SGCD: variants seen among roughly 807,000 people sequenced by gnomAD.
The protein encoded by SGCD is delta-sarcoglycan.
A neutral mutation model predicts 36.6 loss-of-function variants in SGCD; 18 were observed. The ratio of observed to expected loss-of-function variants is 0.49; its 90% CI spans 0.34 to 0.73. The LOEUF (loss-of-function observed/expected upper bound fraction) is 0.73, where lower values mean the gene tolerates loss of function less well. Ranked by LOEUF, SGCD falls within the 30% of genes least tolerant of loss-of-function variation. The pLI is 0.01. For missense variants in SGCD, 387 were observed against 346.7 expected (o/e 1.12, Z -0.92); for synonymous variants, 133 against 130.6 (o/e 1.02, Z -0.12).
rs1771803765 is a variant in SGCD at position 156,395,596 on chromosome 5, A to G, written c.192+50919A>G. ...TTTATATACGGTCTGGCCATCATCC[A>G]TTTGTATATTCAGTCTTTCAACATG... On this transcript the variant is annotated intron_variant, in intron 3 of 8. Transcript: ENST00000337851. Among the ~76,000 whole-genome samples, 3 of 152,138 alleles carry G rather than the reference A, an allele frequency of 2.0e-5. No homozygotes were observed. The South Asian group carries it at 6.2e-4, about 32-fold the overall frequency.
intron 3 of SGCD, among the ~76,000 whole-genome samples, chr5:156,470,865 G>A (rs1049176068): frequency 5.3e-5 from 8 of 152,282 alleles, no homozygotes; most frequent in African/African-American, 1.9e-4. Context: ...GAAACGTACT[G>A]CGTAACTTAC....
intron 2 of SGCD, among the ~76,000 whole-genome samples, chr5:156,119,672 A>G (rs1303990760): frequency 2.6e-5 from 4 of 151,744 alleles, no homozygotes. Context: ...CTTAAGACCC[A>G]CTTAGAGTTG....
intron 7 of SGCD, among the ~76,000 whole-genome samples, chr5:156,741,556 G>A (rs574784007): frequency 1.5e-4 from 22 of 149,716 alleles, no homozygotes; most frequent in Non-Finnish European, 2.5e-4. Context: ...TCAGAGCTTC[G>A]TAAACCTGGG....
intron 6 of SGCD, among the ~76,000 whole-genome samples, chr5:156,612,436 G>A (rs954572027): frequency 6.6e-6 from 1 of 152,252 alleles, no homozygotes; most frequent in Non-Finnish European, 1.5e-5. Context: ...TACTGAACTG[G>A]TGGTTGGGCT....
chr5:156,737,272 A>G (rs1305643963), intron 7 of SGCD, among the ~76,000 whole-genome samples: 1 of 151,738 alleles, frequency 6.6e-6, no homozygotes, highest in Non-Finnish European at 1.5e-5. Flanking sequence ...TTCAGGTAAC[A>G]TTTAAAAGCA....
chr5:156,758,092 G>T (rs1395351073), intron 8 of SGCD: 5 of 809,462 alleles, frequency 6.2e-6, no homozygotes, highest in Non-Finnish European at 7.5e-6. Flanking sequence ...TGTGTCACAT[G>T]TTTCTGTTTT....
intron 1 of SGCD, among the ~76,000 whole-genome samples, chr5:155,933,989 T>C (rs1757147906): frequency 6.6e-6 from 1 of 152,172 alleles, no homozygotes; most frequent in South Asian, 2.1e-4. Context: ...CCTGGAACAT[T>C]AGGACACTGC....
At chr5:156,171,456 G>T (rs991302712) in intron 3 of SGCD, among the ~76,000 whole-genome samples, 1 of 152,176 alleles carries the variant, frequency 6.6e-6, no homozygotes, top group African/African-American at 2.4e-5. Flanking sequence ...GGTAATTTAA[G>T]ACCTGGGTTA....
At chr5:155,805,801 T>G in the SGCD span, among the ~76,000 whole-genome samples, 2 of 152,308 alleles carry the variant, frequency 1.3e-5, no homozygotes, top group African/African-American at 2.4e-5. Context: ...CAAATGATTC[T>G]GTAAGCAACA....
chr5:156,088,522 C>T (rs887476493), intron 1 of SGCD, among the ~76,000 whole-genome samples: 1 of 151,840 alleles, frequency 6.6e-6, no homozygotes, highest in Non-Finnish European at 1.5e-5. Flanking sequence ...TTTGTTGAGA[C>T]AAGGTCTTGC....
At chr5:156,272,113 A>G (rs1251722768) in intron 3 of SGCD, among the ~76,000 whole-genome samples, 3 of 152,084 alleles carry the variant, frequency 2.0e-5, no homozygotes, top group Admixed American at 1.3e-4. Context: ...TGCACCCATC[A>G]CTCAAGCAGT....
intron 4 of SGCD, among the ~76,000 whole-genome samples, chr5:156,521,633 A>G (rs913208123): frequency 4.6e-5 from 7 of 152,232 alleles, no homozygotes; most frequent in African/African-American, 1.7e-4. Context: ...ATCCAAATCA[A>G]ATCCACAATG....
intron 3 of SGCD, among the ~76,000 whole-genome samples, chr5:156,402,665 C>T (rs1489892634): frequency 6.6e-6 from 1 of 152,188 alleles, no homozygotes; most frequent in Non-Finnish European, 1.5e-5. Flanking sequence ...GTCTTGTTAA[C>T]ATCTTAAATC....
chr5:156,586,546 G>C lies in SGCD; in HGVS notation c.295-2685G>C, dbSNP rs1230383933. Among the ~76,000 whole-genome samples, 6 of 152,132 alleles carry C rather than the reference G, an allele frequency of 3.9e-5. No individual in the cohort carries two copies. In the East Asian group the frequency reaches 1.2e-3, roughly 29 times the overall value. On this transcript the variant is annotated intron_variant, in intron 4 of 8. Transcript: ENST00000337851. ...TATGTAGATTTTTTGGAATTCCTCT[G>C]TCTGGGTAGATTTGACTATTCAACC... is the stretch of plus-strand genomic sequence containing the variant.
At chr5:156,448,731 CTTTTTTTTTTTTTTT>C (rs1158844774) in intron 3 of SGCD, among the ~76,000 whole-genome samples, 3 of 76,016 alleles carry the variant, frequency 3.9e-5, no homozygotes, top group Non-Finnish European at 7.1e-5. Flanking sequence ...TTTTCTTTTT[CTTTTTTTTTTTTTTT>C]TTTTTTTTTT....
chr5:156,458,376 T>C (rs1449160707), intron 3 of SGCD: 24 of 1,457,444 alleles, frequency 1.6e-5, no homozygotes, highest in Non-Finnish European at 2.1e-5. Flanking sequence ...TATGTTTGCT[T>C]TTACCAAAAA....
intron 7 of SGCD, among the ~76,000 whole-genome samples, chr5:156,718,253 G>A (rs1055850123): frequency 3.3e-5 from 5 of 152,070 alleles, no homozygotes; most frequent in African/African-American, 1.2e-4. Flanking sequence ...TACACATGAG[G>A]AGTACGTGAA....
In SGCD at chr5:155,878,583, T is replaced by C. The variant is rs1333217408; in HGVS notation, c.-282+8159T>C. On this transcript the variant is annotated intron_variant, in intron 1 of 9. Transcript: ENST00000517913. ...GATAATAAAACTACCTTGATAAGAA[T>C]ACTCAAGACTTTTTGGAATAACCCA... 3.9e-5 allele frequency among the ~76,000 whole-genome samples: 6 copies of C among 152,080 alleles called. No homozygotes were observed. In the East Asian group the frequency reaches 1.2e-3, roughly 29 times the overall value.
chr5:156,206,022 C>T (rs902412520), intron 3 of SGCD, among the ~76,000 whole-genome samples: 1 of 147,606 alleles, frequency 6.8e-6, no homozygotes, highest in Non-Finnish European at 1.5e-5. Context: ...TTATATATAT[C>T]TGTGCACATA....
Sources: allele counts gnomAD v4.1 joint callset (sites outside exome capture counted in the v4.1 genomes callset), GRCh38; gene constraint gnomAD v4.1.1; transcripts MANE v1.5; gene names NCBI Gene and HGNC (gene_info 2026-07-23, HGNC 2026-07-21).